Variants in C15orf61 observed in about 807,000 individuals in gnomAD.
The protein encoded by C15orf61 is chromosome 15 open reading frame 61.
A neutral mutation model predicts 13.7 loss-of-function variants in C15orf61; 12 were observed. The ratio of observed to expected loss-of-function variants is 0.88; its 90% CI spans 0.56 to 1.42. C15orf61 has a LOEUF of 1.42. Among genes scored for constraint, C15orf61 ranks in the 40% most tolerant of loss-of-function variants. C15orf61 has a pLI of 0.00. For missense variants in C15orf61, 248 were observed against 213.2 expected, an observed-to-expected ratio of 1.16 and a Z score of -1.02; for synonymous variants, 92 against 94.1, an observed-to-expected ratio of 0.98 and a Z score of 0.13.
At chr15:67,526,056 C>G (rs2084196850) in intron 1 of C15orf61, among the ~76,000 whole-genome samples, 2 of 152,168 alleles carry the variant, frequency 1.3e-5, no homozygotes, top group Non-Finnish European at 2.9e-5. Flanking sequence ...GTAATTTTAG[C>G]TCAAGGCTAA....
chr15:67,526,286 G>A, intron 1 of C15orf61, 132 bp from the exon 2 acceptor site: 1 of 589,916 alleles, frequency 1.7e-6, no homozygotes, highest in Non-Finnish European at 2.7e-6. Context: ...GATAATCAGA[G>A]TCAATGTTGA....
rs755737894 is a variant in C15orf61 at position 67,526,547 on chromosome 15, A to G, written c.*2A>G. 3 of 1,518,134 alleles carry G rather than the reference A, an allele frequency of 2.0e-6. No homozygotes were observed. Among genetic ancestry groups the G allele is most frequent in the Non-Finnish European group, 2.7e-6 (3 of 1,130,774 alleles). 94.0% of individuals were successfully genotyped at this position (1,518,134 alleles called of 1,614,324 possible). ...GAAGATGAAGGTGCCATGTATTGAAAGTGTGCGTCAAAGAACATAAATATC... is the reference window on the plus strand; with the variant it reads ...GAAGATGAAGGTGCCATGTATTGAAGGTGTGCGTCAAAGAACATAAATATC... On this transcript the variant is annotated 3_prime_UTR_variant, in exon 2 of 2. Coordinates refer to ENST00000342683, the MANE Select transcript of C15orf61 (RefSeq NM_001143936.2).
At position 67,529,663 on chromosome 15, in the gene C15orf61, T is replaced by C. The variant is rs7173821; in HGVS notation, c.*3118T>C. ...CTTGAACTCCTGATCTCAGGTGATC[T>C]GCCGGCCTCGGCCTCCCAAAGTGCT... On this transcript the variant is annotated 3_prime_UTR_variant, in exon 2 of 2. Coordinates refer to ENST00000342683, the MANE Select transcript of C15orf61 (RefSeq NM_001143936.2). This position sits in a 1 kb window ranked among gnomAD's most constrained non-coding sequence, Gnocchi z 4.4. 1 allele frequency: 152,059 copies of C among 152,390 alleles called. 75,865 individuals are homozygous for C. The highest frequency in any genetic ancestry group is 1 in the Middle Eastern group (296 of 296). 9.4% of individuals were successfully genotyped at this position (152,390 alleles called of 1,614,324 possible).
rs1024160112 is a variant in C15orf61, at chr15:67,526,502, C to G, written c.431C>G (p.Thr144Arg). 2.6e-6 allele frequency: 4 copies of G among 1,540,052 alleles called. No individual in the cohort carries two copies. The highest frequency in any genetic ancestry group is 2.8e-5 in the African/African-American group (2 of 72,702). Residue 144 changes from threonine to arginine, a missense_variant, in exon 2 of 2, where the codon ACA (threonine) becomes AGA (arginine). By Grantham distance (71) the Thr-to-Arg change is moderately conservative. Coordinates refer to ENST00000342683, the MANE Select transcript of C15orf61 (RefSeq NM_001143936.2). ...ETVHTSYGPI[T>R]VYFLNKEDEG... ...GTGCATACCAGTTATGGACCCATAA[C>G]AGTTTATTTTCTCAATAAAGAAGAT...
At chr15:67,524,101 C>T (rs1256568944) in intron 1 of C15orf61, among the ~76,000 whole-genome samples, 4 of 152,106 alleles carry the variant, frequency 2.6e-5, no homozygotes, top group Admixed American at 1.3e-4. Flanking sequence ...ATGATAAATA[C>T]TATAAAAGAA....
In C15orf61 at chr15:67,526,637, A is replaced by G. The variant is rs1276462496; in HGVS notation, c.*92A>G. On this transcript the variant is annotated 3_prime_UTR_variant, in exon 2 of 2. Transcript: ENST00000342683. ...GATCCTTTAAAATAAAACTTTTGCA[A>G]ATACTTTTTTCTTTCTACAGTATCT... 1.0e-5 allele frequency: 13 copies of G among 1,267,698 alleles called. No individual in the cohort carries two copies. The highest frequency in any genetic ancestry group is 3.5e-5 in the Admixed American group (1 of 28,170). 78.5% of individuals were successfully genotyped at this position (1,267,698 alleles called of 1,614,324 possible).
In C15orf61 at chr15:67,521,467, G is replaced by C; in HGVS notation, c.219G>C (p.Gln73His). 6.5e-7 allele frequency: 1 copy of C among 1,548,330 alleles called. No homozygotes were observed. The highest frequency in any genetic ancestry group is 8.7e-7 in the Non-Finnish European group (1 of 1,146,792). Residue 73 changes from glutamine (Q) to histidine (H), a missense_variant, in exon 1 of 2, where the codon CAG becomes CAC. Transcript: ENST00000342683. ...TCTCGCACTTCAACTGGCCGGTGCAGGGCGCCAACTACCACGTCCTGCGCA... is the reference window on the plus strand; with the variant it reads ...TCTCGCACTTCAACTGGCCGGTGCACGGCGCCAACTACCACGTCCTGCGCA... Reference protein sequence around the residue: ...FGLSHFNWPVQGANYHVLRTG... With the variant: ...FGLSHFNWPVHGANYHVLRTG...
At chr15:67,521,643 CG>C in intron 1 of C15orf61, 49 bp downstream of exon 1, 2 of 1,414,236 alleles carry the variant, frequency 1.4e-6, no homozygotes, top group Non-Finnish European at 1.9e-6. Context: ...CCGGCCGGGA[CG>C]GCCCCTCAGC....
chr15:67,528,875 A>G lies in C15orf61; in HGVS notation c.*2330A>G, dbSNP rs1446907899. On this transcript the variant is annotated 3_prime_UTR_variant, in exon 2 of 2. Transcript: ENST00000342683. ...CAAAAGCTCTGTTTTTATAATCCAC[A>G]TTCTTCTGCTCCATTATACTTAAAG... The G allele has an allele frequency of 6.6e-6, 1 of 152,218 alleles. No individual in the cohort carries two copies. The allele number at this position is 152,218 out of a possible 1,614,324, so 9.4% of individuals were successfully genotyped here.
rs1050934883 is a variant in C15orf61 at position 67,526,667 on chromosome 15, C to A, written c.*122C>A. ...TTTTTTCTTTCTACAGTATCTGCTT[C>A]TTTAAGATGAATCATTGCCCTCAAG... On this transcript the variant is annotated 3_prime_UTR_variant, in exon 2 of 2. Coordinates refer to ENST00000342683, the MANE Select transcript of C15orf61 (RefSeq NM_001143936.2). 1 of 986,124 alleles carries A rather than the reference C, an allele frequency of 1.0e-6. No homozygotes were observed. The highest frequency in any genetic ancestry group is 1.7e-5 in the African/African-American group (1 of 59,694). The allele number at this position is 986,124 out of a possible 1,614,324, so 61.1% of individuals were successfully genotyped here. A position where few individuals can be genotyped will look rare whatever the true frequency, so the allele number is the denominator to read the frequency against.
At chr15:67,524,191 T>C (rs2084185739) in intron 1 of C15orf61, among the ~76,000 whole-genome samples, 1 of 152,232 alleles carries the variant, frequency 6.6e-6, no homozygotes, top group African/African-American at 2.4e-5. Context: ...TATTTTAGTC[T>C]CAGTATGCTT....
intron 1 of C15orf61, among the ~76,000 whole-genome samples, chr15:67,524,678 GGC>G (rs2140927993): frequency 6.6e-6 from 1 of 152,082 alleles, no homozygotes; most frequent in Admixed American, 6.6e-5. Flanking sequence ...ATTAATCTCT[GGC>G]ATCACAGTGG....
In C15orf61 at chr15:67,528,835, T is replaced by C. The variant is rs891157753; in HGVS notation, c.*2290T>C. On this transcript the variant is annotated 3_prime_UTR_variant, in exon 2 of 2. Coordinates refer to ENST00000342683, the MANE Select transcript of C15orf61 (RefSeq NM_001143936.2). ...TTCTACCCGAAAATGTACATCAATT[T>C]TACTTTTGTCTCTGCAAAAGCTCTG... 6.6e-6 allele frequency: 1 copy of C among 152,240 alleles called. No homozygotes were observed. The highest frequency in any genetic ancestry group is 1.5e-5 in the Non-Finnish European group (1 of 68,050). The allele number at this position is 152,240 out of a possible 1,614,324, so 9.4% of individuals were successfully genotyped here.
At chr15:67,522,337 A>G (rs931974700) in intron 1 of C15orf61, 3 of 669,360 alleles carry the variant, frequency 4.5e-6, no homozygotes, top group South Asian at 1.6e-5. Flanking sequence ...CATAAAATCA[A>G]TCTAGATTTC....
intron 1 of C15orf61, among the ~76,000 whole-genome samples, chr15:67,523,793 TAA>T (rs2084183741): frequency 6.6e-6 from 1 of 152,176 alleles, no homozygotes; most frequent in Non-Finnish European, 1.5e-5. Flanking sequence ...TTGTAATATA[TAA>T]GTTATATAGG....
At position 67,526,461 on chromosome 15, in the gene C15orf61, CAG is replaced by C. The variant is rs2084199498; in HGVS notation, c.393_394del (p.Arg131SerfsTer19). ...ATGGACTTGGCTCCTGGTTATTTGC[CAG>C]AGTCACAGAGACTGTGCATACCAGT... is the stretch of plus-strand genomic sequence containing the variant. ...LYGLGSWLFA[R>X]VTETVHTSYG... On this transcript the variant is annotated frameshift_variant, in exon 2 of 2. Coordinates refer to ENST00000342683, the MANE Select transcript of C15orf61 (RefSeq NM_001143936.2). LOFTEE classifies it high-confidence loss of function. The C allele has an allele frequency of 2.6e-6, 4 of 1,538,646 alleles. No homozygotes were observed. The highest frequency in any genetic ancestry group is 1.2e-5 in the South Asian group (1 of 83,370).
chr15:67,521,873 T>C, intron 1 of C15orf61: 1 of 634,472 alleles, frequency 1.6e-6, no homozygotes, highest in East Asian at 2.8e-5. Context: ...TTAACCAGAG[T>C]AGACCCCTGG....
At chr15:67,524,571 T>C (rs56737150) in intron 1 of C15orf61, among the ~76,000 whole-genome samples, 18,294 of 152,128 alleles carry the variant, frequency 0.12, 1,218 homozygotes, top group East Asian at 0.2. Context: ...GGTGACAAAC[T>C]GTGACCCAGT....
At chr15:67,522,200 A>T in intron 1 of C15orf61, 1 of 701,868 alleles carries the variant, frequency 1.4e-6, no homozygotes, top group Non-Finnish European at 2.6e-6. Flanking sequence ...GTTTACTGTC[A>T]CTAGGTGTTT....
Sources: gnomAD v4.1 joint callset for allele counts (sites outside exome capture counted in the v4.1 genomes callset) on GRCh38, gnomAD v4.1.1 for gene constraint, Gnocchi (gnomAD v3.1) non-coding constraint, MANE v1.5 for transcripts, NCBI Gene and HGNC (gene_info 2026-07-23, HGNC 2026-07-21) for gene names.